The following ERBB4 variants were observed in gnomAD, a reference collection of about 807,000 sequenced individuals.
The protein encoded by ERBB4 is erb-b2 receptor tyrosine kinase 4, also known as receptor tyrosine-protein kinase erbB-4.
ERBB4 carries 42 observed loss-of-function variants against 158.0 expected under a neutral mutation model. That is an observed-to-expected ratio of 0.27 (90% CI 0.21 to 0.34). The LOEUF (loss-of-function observed/expected upper bound fraction) is 0.34. Ranked by LOEUF, ERBB4 falls within the 10% of genes least tolerant of loss-of-function variation. The pLI is 1.00. For synonymous variants in ERBB4, 583 were observed against 558.7 expected (o/e 1.04, Z -0.61); for missense variants, 1,333 against 1,624.1 (o/e 0.82, Z 3.08).
chr2:211,701,631 G>A (rs937688785), intron 12 of ERBB4, among the ~76,000 whole-genome samples: 1 of 151,604 alleles, frequency 6.6e-6, no homozygotes, highest in Admixed American at 6.6e-5. Flanking sequence ...GGCGGCGGGC[G>A]CCTGTAGTCC....
chr2:211,864,203 C>T (rs1418976966), intron 3 of ERBB4, among the ~76,000 whole-genome samples: 1 of 152,182 alleles, frequency 6.6e-6, no homozygotes, highest in Non-Finnish European at 1.5e-5. Flanking sequence ...TTTCCCACCT[C>T]TCCTTCTTTT....
chr2:211,679,313 A>G lies in ERBB4; in HGVS notation c.1490-129T>C. ...ATATGGCAAATGACTTTGGTGGCCTATCCCATCGTCATGTCCCATCCTACC... is the reference window on the plus strand; with the variant it reads ...ATATGGCAAATGACTTTGGTGGCCTGTCCCATCGTCATGTCCCATCCTACC... On this transcript the variant is annotated intron_variant, in intron 12 of 27. Coordinates refer to ENST00000342788, the MANE Select transcript of ERBB4 (RefSeq NM_005235.3). 4.1e-6 allele frequency: 4 copies of G among 982,348 alleles called. No homozygotes were observed. The South Asian group carries it at 4.3e-5, about 11-fold the overall frequency. The allele number at this position is 982,348 out of a possible 1,614,324, so 60.9% of individuals were successfully genotyped here.
chr2:211,810,113 T>C (rs1248976958), intron 3 of ERBB4, among the ~76,000 whole-genome samples: 2 of 152,204 alleles, frequency 1.3e-5, no homozygotes, highest in Non-Finnish European at 2.9e-5. Flanking sequence ...CTTCCAACTA[T>C]GTGGTCAATT....
intron 1 of ERBB4, among the ~76,000 whole-genome samples, chr2:212,252,222 T>C (rs1341838524): frequency 6.6e-6 from 1 of 152,024 alleles, no homozygotes; most frequent in Non-Finnish European, 1.5e-5. Flanking sequence ...CGACGATGGA[T>C]ATGACTGTAG....
At chr2:211,941,382 A>T (rs2080491415) in intron 3 of ERBB4, among the ~76,000 whole-genome samples, 1 of 151,880 alleles carries the variant, frequency 6.6e-6, no homozygotes, top group Non-Finnish European at 1.5e-5. Flanking sequence ...GGTTGAACCC[A>T]CTCAAATATT....
chr2:212,274,199 C>G (rs550201951), intron 1 of ERBB4, among the ~76,000 whole-genome samples: 3 of 151,962 alleles, frequency 2.0e-5, no homozygotes, highest in Admixed American at 2.0e-4. Context: ...GGTCAGGAAA[C>G]TGCAGTTGCA....
intron 4 of ERBB4, among the ~76,000 whole-genome samples, chr2:211,765,432 ATACTCT>A (rs1440088132): frequency 6.6e-6 from 1 of 152,184 alleles, no homozygotes; most frequent in African/African-American, 2.4e-5. Flanking sequence ...AACGTATATT[ATACTCT>A]TACTCTTAAT....
rs188397676 is a variant in ERBB4, at chr2:211,573,531, A to G, written c.2302-11443T>C. Reference sequence around the variant, plus strand: ...TAAAAGTACAAAAAATTAGCCGGGCATGGTGGCAGGAGCCTGTAGTCCCAG... The same window carrying G: ...TAAAAGTACAAAAAATTAGCCGGGCGTGGTGGCAGGAGCCTGTAGTCCCAG... On this transcript the variant is annotated intron_variant, in intron 19 of 27. Coordinates refer to ENST00000342788, the MANE Select transcript of ERBB4 (RefSeq NM_005235.3). 8.0e-4 allele frequency among the ~76,000 whole-genome samples: 122 copies of G among 152,086 alleles called. 1 individual carries two copies. The East Asian group carries it at 0.023, about 28-fold the overall frequency.
intron 12 of ERBB4, among the ~76,000 whole-genome samples, chr2:211,700,520 A>G (rs2073193413): frequency 6.6e-6 from 1 of 152,150 alleles, no homozygotes; most frequent in African/African-American, 2.4e-5. Context: ...AAAGAGCTAA[A>G]ATATAAGAGA....
At chr2:211,512,649 G>T (rs902757720) in intron 20 of ERBB4, among the ~76,000 whole-genome samples, 1 of 151,846 alleles carries the variant, frequency 6.6e-6, no homozygotes, top group Admixed American at 6.6e-5. Flanking sequence ...GGCAAAACAC[G>T]TTTGCTTTTC....
At chr2:212,526,373 G>A (rs1692447396) in intron 1 of ERBB4, among the ~76,000 whole-genome samples, 3 of 151,892 alleles carry the variant, frequency 2.0e-5, no homozygotes, top group Admixed American at 2.0e-4. Flanking sequence ...TGCATAAAAT[G>A]TTTTGTCTAT....
chr2:212,498,244 A>T (rs995922304), intron 1 of ERBB4, among the ~76,000 whole-genome samples: 1 of 152,054 alleles, frequency 6.6e-6, no homozygotes, highest in Non-Finnish European at 1.5e-5. Context: ...CCAGTCTTTC[A>T]AATGGAAGTA....
At chr2:211,531,666 C>G (rs2066502439) in intron 20 of ERBB4, among the ~76,000 whole-genome samples, 1 of 152,068 alleles carries the variant, frequency 6.6e-6, no homozygotes, top group African/African-American at 2.4e-5. Context: ...ATAACAAATG[C>G]TGGCGAGGAT....
At chr2:212,518,498 T>C (rs1691963855) in intron 1 of ERBB4, among the ~76,000 whole-genome samples, 1 of 151,978 alleles carries the variant, frequency 6.6e-6, no homozygotes, top group African/African-American at 2.4e-5. Flanking sequence ...TGCATACTTG[T>C]AAAAACTATA....
At chr2:212,535,784 A>AT (rs570831707) in intron 1 of ERBB4, among the ~76,000 whole-genome samples, 1,675 of 152,270 alleles carry the variant, frequency 0.011, 13 homozygotes, top group Middle Eastern at 0.024. Context: ...CTAATGCTGA[A>AT]TTTTTTTCCA....
intron 1 of ERBB4, among the ~76,000 whole-genome samples, chr2:212,207,143 T>C (rs1174178766): frequency 6.6e-6 from 1 of 152,144 alleles, no homozygotes; most frequent in Admixed American, 6.5e-5. Flanking sequence ...TTCTTTCATT[T>C]TGTTTTTGTT....
chr2:212,069,023 T>C (rs1181540725), intron 2 of ERBB4, among the ~76,000 whole-genome samples: 4 of 152,074 alleles, frequency 2.6e-5, no homozygotes. Flanking sequence ...CTTTGCTCTT[T>C]CTTCATCTTC....
rs1032425635 is a variant in ERBB4, at chr2:211,548,430, A to G, written c.2487+13473T>C. On this transcript the variant is annotated intron_variant, in intron 20 of 27. Transcript: ENST00000342788. ...CTAGCCAATTCAAATAAAATTCTAT[A>G]GAGAAAAAATTCATAAGCTCATTTA... 2.0e-4 allele frequency among the ~76,000 whole-genome samples: 30 copies of G among 152,244 alleles called. 2 individuals are homozygous for G. Among genetic ancestry groups the G allele is most frequent in the Admixed American group, 1.7e-3 (26 of 15,294 alleles).
intron 1 of ERBB4, among the ~76,000 whole-genome samples, chr2:212,531,599 C>T (rs1196829873): frequency 6.6e-6 from 1 of 152,144 alleles, no homozygotes. Context: ...CATCAACTAA[C>T]TGGTGATGAG....
Sources: gnomAD v4.1 joint callset for allele counts (sites outside exome capture counted in the v4.1 genomes callset) on GRCh38, gnomAD v4.1.1 for gene constraint, MANE v1.5 for transcripts, NCBI Gene and HGNC (gene_info 2026-07-23, HGNC 2026-07-21) for gene names.